KYNU: variants seen among roughly 807,000 people sequenced by gnomAD.
KYNU encodes the protein L-kynurenine hydrolase.
A neutral mutation model predicts 59.2 loss-of-function variants in KYNU; 54 were observed. That is an observed-to-expected ratio of 0.91 (90% confidence interval 0.73 to 1.14). The LOEUF is 1.14. Ranked by LOEUF, KYNU falls within the 50% of genes most tolerant of loss-of-function variation. The pLI is 0.00. For synonymous variants in KYNU, 177 were observed against 192.0 expected (o/e 0.92, Z 0.65); for missense variants, 567 against 554.4 (o/e 1.02, Z -0.23).
At chr2:142,886,871 T>A (rs981418125) in intron 2 of KYNU, among the ~76,000 whole-genome samples, 1 of 152,064 alleles carries the variant, frequency 6.6e-6, no homozygotes, top group African/African-American at 2.4e-5. Flanking sequence ...AGAACCCAGT[T>A]TAAAAATAGC....
At chr2:142,919,994 C>T (rs777595576) in intron 3 of KYNU, among the ~76,000 whole-genome samples, 3 of 152,028 alleles carry the variant, frequency 2.0e-5, no homozygotes, top group Admixed American at 1.3e-4. Flanking sequence ...ATTGCTTGAA[C>T]CCGGGAGGCA....
At chr2:143,026,874 G>A (rs763139623) in intron 10 of KYNU, among the ~76,000 whole-genome samples, 4 of 152,182 alleles carry the variant, frequency 2.6e-5, no homozygotes, top group Non-Finnish European at 4.4e-5. Flanking sequence ...TCGAAGTTAC[G>A]AAGTTACGCC....
chr2:143,002,754 G>A (rs1424734847), intron 10 of KYNU, among the ~76,000 whole-genome samples: 2 of 152,046 alleles, frequency 1.3e-5, no homozygotes, highest in African/African-American at 2.4e-5. Flanking sequence ...GCCACTGTTT[G>A]CATCAGATTT....
chr2:142,988,934 T>C (rs2105167826), intron 10 of KYNU: 3 of 1,523,498 alleles, frequency 2.0e-6, no homozygotes, highest in East Asian at 2.3e-5. Flanking sequence ...TCATTGTCCC[T>C]GATAGGAAAA....
intron 10 of KYNU, among the ~76,000 whole-genome samples, chr2:143,013,099 G>A (rs1460975630): frequency 2.6e-5 from 4 of 152,058 alleles, no homozygotes; most frequent in African/African-American, 7.2e-5. Context: ...AGGCTCAAGT[G>A]ATCCTCCCAC....
intron 10 of KYNU, among the ~76,000 whole-genome samples, chr2:143,011,868 TCACATGGA>T (rs1200164849): frequency 7.8e-6 from 1 of 128,196 alleles, no homozygotes; most frequent in Non-Finnish European, 1.6e-5. Context: ...AACAATGAGA[TCACATGGA>T]CACAGGAAGG....
chr2:142,897,764 C>T (rs917905430), intron 2 of KYNU, among the ~76,000 whole-genome samples: 2 of 152,066 alleles, frequency 1.3e-5, no homozygotes, highest in Non-Finnish European at 2.9e-5. Context: ...AACATTTTAA[C>T]CTACGATATC....
intron 10 of KYNU, among the ~76,000 whole-genome samples, chr2:143,027,865 T>C (rs1211949783): frequency 6.6e-6 from 1 of 152,182 alleles, no homozygotes. Flanking sequence ...TCATATCTCA[T>C]TTGTCTCACT....
rs181595310 is a variant in KYNU at position 142,904,682 on chromosome 2, T to A, written c.170-13927T>A. 1.6e-3 allele frequency among the ~76,000 whole-genome samples: 242 copies of A among 152,302 alleles called. 1 individual carries two copies. The highest frequency in any genetic ancestry group is 5.6e-3 in the African/African-American group (232 of 41,566). On this transcript the variant is annotated intron_variant, in intron 2 of 13. Coordinates refer to ENST00000264170, the MANE Select transcript of KYNU (RefSeq NM_003937.3). Reference sequence around the variant, plus strand: ...TCTGACAAGGCCGAATTCTCCAGAATACATTTTAGGGGTGTTTTTGCCTTG... The same window carrying A: ...TCTGACAAGGCCGAATTCTCCAGAAAACATTTTAGGGGTGTTTTTGCCTTG...
intron 10 of KYNU, among the ~76,000 whole-genome samples, chr2:143,026,429 G>T (rs1686560337): frequency 6.6e-6 from 1 of 152,330 alleles, no homozygotes; most frequent in Non-Finnish European, 1.5e-5. Flanking sequence ...CATTTACTCA[G>T]CCCCGCTCGC....
At chr2:142,985,820 C>A in intron 9 of KYNU, 128 bp from the exon 10 acceptor site, 1 of 648,674 alleles carries the variant, frequency 1.5e-6, no homozygotes, top group Non-Finnish European at 2.8e-6. Flanking sequence ...ATCATAAATA[C>A]ACAAATAATC....
At chr2:142,933,193 G>T (rs1331378514) in intron 4 of KYNU, among the ~76,000 whole-genome samples, 3 of 152,188 alleles carry the variant, frequency 2.0e-5, no homozygotes, top group Non-Finnish European at 4.4e-5. Flanking sequence ...CAAGAACTGA[G>T]GCTTTAAGCT....
chr2:142,969,730 C>A (rs1479875701), intron 8 of KYNU, among the ~76,000 whole-genome samples: 1 of 152,140 alleles, frequency 6.6e-6, no homozygotes, highest in Non-Finnish European at 1.5e-5. Flanking sequence ...CTGCAGCCAC[C>A]CTTATCAAAG....
chr2:143,032,711 T>TTTTGTGTGTGTG (rs1553491691), intron 11 of KYNU, among the ~76,000 whole-genome samples: 1 of 129,370 alleles, frequency 7.7e-6, no homozygotes, highest in Non-Finnish European at 1.6e-5. Context: ...GCTCCCTCTA[T>TTTTGTGTGTGTG]TGTGTGTGTG....
intron 10 of KYNU, among the ~76,000 whole-genome samples, chr2:143,021,294 T>A (rs920823306): frequency 1.1e-4 from 17 of 152,188 alleles, no homozygotes; most frequent in African/African-American, 4.1e-4. Flanking sequence ...CTAGCTTTAT[T>A]AATATAATGA....
intron 10 of KYNU, among the ~76,000 whole-genome samples, chr2:142,991,174 CTT>C (rs532814949): frequency 3.7e-4 from 57 of 152,028 alleles, no homozygotes; most frequent in African/African-American, 1.2e-3. Context: ...GGAACACTGA[CTT>C]ATATATTTCA....
intron 1 of KYNU, among the ~76,000 whole-genome samples, chr2:142,878,935 C>A (rs16858172): frequency 0.11 from 17,171 of 152,124 alleles, 1,496 homozygotes; most frequent in African/African-American, 0.23. Flanking sequence ...ACATACAGAG[C>A]AGTTAGGTGA....
intron 2 of KYNU, among the ~76,000 whole-genome samples, chr2:142,910,702 T>G (rs1682453825): frequency 6.6e-6 from 1 of 152,148 alleles, no homozygotes; most frequent in South Asian, 2.1e-4. Flanking sequence ...ATTTTATAAT[T>G]TTAGGTCTTA....
At chr2:142,915,635 G>A (rs559515106) in intron 2 of KYNU, among the ~76,000 whole-genome samples, 7 of 152,276 alleles carry the variant, frequency 4.6e-5, no homozygotes, top group African/African-American at 1.7e-4. Context: ...TCAGAACCAT[G>A]AGCTTTATAG....
Sources: allele counts gnomAD v4.1 joint callset (sites outside exome capture counted in the v4.1 genomes callset), GRCh38; gene constraint gnomAD v4.1.1; transcripts MANE v1.5; gene names NCBI Gene and HGNC (gene_info 2026-07-23, HGNC 2026-07-21).